Variants in ZNF644 observed in about 807,000 individuals in gnomAD.
The protein encoded by ZNF644 is zinc finger protein 644, also known as zinc finger motif enhancer binding protein 2.
Under a neutral mutation model 108.0 loss-of-function variants are expected in ZNF644, and 20 were observed. The observed-to-expected ratio is 0.19, with a 90% CI of 0.13 to 0.27. The LOEUF is 0.27. Ranked by LOEUF, ZNF644 falls within the 10% of genes least tolerant of loss-of-function variation. ZNF644 has a pLI of 1.00. For synonymous variants in ZNF644, 542 were observed against 539.1 expected, an observed-to-expected ratio of 1.01 and a Z score of -0.08; for missense variants, 1,338 against 1,548.9, an observed-to-expected ratio of 0.86 and a Z score of 2.29.
intron 2 of ZNF644, among the ~76,000 whole-genome samples, chr1:90,965,947 C>A (rs930435011): frequency 6.6e-6 from 1 of 152,106 alleles, no homozygotes; most frequent in African/African-American, 2.4e-5. Context: ...GACGGGGTTT[C>A]ATCATGTTGG....
At chr1:91,014,542 T>C (rs1019799535) in intron 1 of ZNF644, among the ~76,000 whole-genome samples, 3 of 152,068 alleles carry the variant, frequency 2.0e-5, no homozygotes, top group Admixed American at 1.3e-4. Context: ...CCAGCAAGGA[T>C]AGATAGCATG....
intron 1 of ZNF644, among the ~76,000 whole-genome samples, chr1:91,002,614 C>T (rs931816266): frequency 6.6e-6 from 1 of 152,150 alleles, no homozygotes; most frequent in African/African-American, 2.4e-5. Context: ...AGGACACAGG[C>T]ATGGGTAAAG....
intron 2 of ZNF644, among the ~76,000 whole-genome samples, chr1:90,966,747 C>CA (rs67549954): frequency 0.17 from 12,524 of 73,622 alleles, 1,043 homozygotes; most frequent in Middle Eastern, 0.26. Context: ...GACTCAGTCT[C>CA]AAAAAAAAAA....
chr1:90,959,800 G>A (rs1654146111), intron 2 of ZNF644, among the ~76,000 whole-genome samples: 1 of 152,138 alleles, frequency 6.6e-6, no homozygotes, highest in Non-Finnish European at 1.5e-5. Flanking sequence ...GCTAGTGGTT[G>A]CACAACAGTG....
At chr1:90,975,909 A>G (rs1163200770) in intron 2 of ZNF644, among the ~76,000 whole-genome samples, 2 of 152,216 alleles carry the variant, frequency 1.3e-5, no homozygotes, top group Non-Finnish European at 2.9e-5. Flanking sequence ...CAAAATAATG[A>G]TGAGTATGAA....
intron 2 of ZNF644, among the ~76,000 whole-genome samples, chr1:90,981,190 C>T (rs540954088): frequency 9.2e-5 from 14 of 152,072 alleles, no homozygotes; most frequent in South Asian, 2.1e-4. Flanking sequence ...AGTGTTATTT[C>T]TAATAAATGC....
At chr1:91,014,901 C>T (rs1209518724) in intron 1 of ZNF644, among the ~76,000 whole-genome samples, 1 of 152,108 alleles carries the variant, frequency 6.6e-6, no homozygotes, top group African/African-American at 2.4e-5. Context: ...TCAAGATATA[C>T]CTAGGTTCAA....
intron 2 of ZNF644, among the ~76,000 whole-genome samples, chr1:90,977,693 GGGCACATATCCTTGATCCA>G (rs2101419546): frequency 6.6e-6 from 1 of 152,236 alleles, no homozygotes; most frequent in Non-Finnish European, 1.5e-5. Context: ...AGAAGTTAAA[GGGCACATATCCTTGATCCA>G]GCAATCTACT....
chr1:90,954,959 C>T (rs1385595518), intron 2 of ZNF644, among the ~76,000 whole-genome samples: 3 of 152,212 alleles, frequency 2.0e-5, no homozygotes, highest in Admixed American at 6.5e-5. Context: ...ATCACTCTAG[C>T]TACAGCAGCT....
At chr1:90,935,760 T>C (rs563252104) in intron 4 of ZNF644, among the ~76,000 whole-genome samples, 1 of 152,330 alleles carries the variant, frequency 6.6e-6, no homozygotes, top group East Asian at 1.9e-4. Context: ...ACTTGAACCT[T>C]TGAGCTCCTC....
At chr1:91,003,613 A>G (rs1659110561) in intron 1 of ZNF644, among the ~76,000 whole-genome samples, 2 of 152,076 alleles carry the variant, frequency 1.3e-5, no homozygotes, top group South Asian at 4.1e-4. Flanking sequence ...GCACACCATC[A>G]TGGCACACGT....
At chr1:91,019,823 C>A (rs1458148949) in intron 1 of ZNF644, among the ~76,000 whole-genome samples, 3 of 152,144 alleles carry the variant, frequency 2.0e-5, no homozygotes, top group African/African-American at 7.2e-5. Context: ...CCTCAGCCTC[C>A]CAAAGTGCTG....
intron 1 of ZNF644, among the ~76,000 whole-genome samples, chr1:90,993,120 C>A (rs1229046896): frequency 6.6e-6 from 1 of 152,020 alleles, no homozygotes; most frequent in Non-Finnish European, 1.5e-5. Context: ...ATAAGAAACA[C>A]CAGTGGAATC....
rs755112932 is a variant in ZNF644 at position 90,939,330 on chromosome 1, G to C, written c.2024C>G (p.Ser675Ter). Residue 675 changes from serine (S) to a stop codon, truncating the protein, a stop_gained, in exon 3 of 6, where the codon TCA becomes TGA. Transcript: ENST00000337393. LOFTEE classifies it high-confidence loss of function. ...FGSTSQSSSFSKIHKRPHRIQ... is the reference protein window; with the variant it reads ...FGSTSQSSSF ...TCTGTGTGGCCGCTTATGAATTTTTGAAAAACTACTTGATTGTGAGGTTGA... is the reference window on the plus strand; with the variant it reads ...TCTGTGTGGCCGCTTATGAATTTTTCAAAAACTACTTGATTGTGAGGTTGA... 6.2e-7 allele frequency: 1 copy of C among 1,613,872 alleles called. No individual in the cohort carries two copies. Among genetic ancestry groups the C allele is most frequent in the Non-Finnish European group, 8.5e-7 (1 of 1,179,896 alleles).
At chr1:90,983,056 A>G (rs902855859) in intron 1 of ZNF644, among the ~76,000 whole-genome samples, 2 of 152,162 alleles carry the variant, frequency 1.3e-5, no homozygotes, top group African/African-American at 2.4e-5. Flanking sequence ...GAACTTCTGA[A>G]AACTCAGTAT....
chr1:91,015,617 G>C (rs1349248053), intron 1 of ZNF644, among the ~76,000 whole-genome samples: 1 of 152,158 alleles, frequency 6.6e-6, no homozygotes, highest in Non-Finnish European at 1.5e-5. Flanking sequence ...ATTCCCAAGT[G>C]TATCTACTCA....
Position 90,938,186 on chromosome 1 carries a change from T to C in ZNF644, c.3082+86A>G. 1 of 1,608,018 alleles carries C rather than the reference T, an allele frequency of 6.2e-7. No homozygotes were observed. Among genetic ancestry groups the C allele is most frequent in the Non-Finnish European group, 8.5e-7 (1 of 1,175,544 alleles). ...CTGAAACATAAAATTATGATTCTAA[T>C]AAAGACTAAATTCAAAAAAAACTTT... On this transcript the variant is annotated intron_variant, in intron 3 of 5. Transcript: ENST00000337393. This position sits in a 1 kb window ranked among gnomAD's most constrained non-coding sequence, Gnocchi z 4.2.
chr1:90,979,529 T>C (rs1444501073), intron 2 of ZNF644, among the ~76,000 whole-genome samples: 2 of 152,244 alleles, frequency 1.3e-5, no homozygotes, highest in East Asian at 3.9e-4. Flanking sequence ...ATATCTACAA[T>C]TTAAAAAAAT....
chr1:91,008,708 C>T (rs1042986954), intron 1 of ZNF644, among the ~76,000 whole-genome samples: 1 of 152,148 alleles, frequency 6.6e-6, no homozygotes, highest in Non-Finnish European at 1.5e-5. Flanking sequence ...GCTGATCTGC[C>T]TCATCAGATA....
Sources: allele counts gnomAD v4.1 joint callset (sites outside exome capture counted in the v4.1 genomes callset), GRCh38; gene constraint gnomAD v4.1.1; non-coding constraint Gnocchi (gnomAD v3.1); transcripts MANE v1.5; gene names NCBI Gene and HGNC (gene_info 2026-07-23, HGNC 2026-07-21).